Variants in SNAP91 observed in about 807,000 individuals in gnomAD.
SNAP91 encodes the protein clathrin coat assembly protein AP180.
Under a neutral mutation model 100.3 loss-of-function variants are expected in SNAP91, and 27 were observed. The observed-to-expected ratio is 0.27, with a 90% CI of 0.20 to 0.37. SNAP91 has a LOEUF of 0.37. Ranked by LOEUF, SNAP91 falls within the 10% of genes least tolerant of loss-of-function variation. The pLI, the probability that SNAP91 is intolerant of heterozygous loss-of-function variation, is 1.00. For missense variants in SNAP91, 986 were observed against 1,123.7 expected, an observed-to-expected ratio of 0.88 and a Z score of 1.75; for synonymous variants, 404 against 398.6, an observed-to-expected ratio of 1.01 and a Z score of -0.16.
At chr6:83,556,672 C>A (rs1040185291) in intron 28 of SNAP91, among the ~76,000 whole-genome samples, 1 of 151,998 alleles carries the variant, frequency 6.6e-6, no homozygotes, top group Non-Finnish European at 1.5e-5. Context: ...AACAGTAAAA[C>A]AAACAAACAA....
At chr6:83,625,755 C>T (rs1282320817) in intron 8 of SNAP91, among the ~76,000 whole-genome samples, 2 of 151,878 alleles carry the variant, frequency 1.3e-5, no homozygotes, top group South Asian at 2.1e-4. Flanking sequence ...TATTTAAGTT[C>T]CTTATAGATT....
chr6:83,691,151 C>G (rs1267453762), intron 2 of SNAP91, among the ~76,000 whole-genome samples: 1 of 152,010 alleles, frequency 6.6e-6, no homozygotes, highest in Non-Finnish European at 1.5e-5. Context: ...TTTTGACAAG[C>G]TCTATGAATT....
intron 26 of SNAP91, among the ~76,000 whole-genome samples, chr6:83,573,267 G>A (rs1419714660): frequency 1.3e-5 from 2 of 152,150 alleles, no homozygotes; most frequent in African/African-American, 2.4e-5. Context: ...CCTCTTCAAG[G>A]AGAACTACAA....
Position 83,634,825 on chromosome 6 carries a change from A to G in SNAP91, c.765+6271T>C, listed in dbSNP as rs144726394. Among the ~76,000 whole-genome samples the G allele has an allele frequency of 8.4e-3, 1,281 of 152,116 alleles. 16 individuals carry two copies. The highest frequency in any genetic ancestry group is 0.029 in the African/African-American group (1,188 of 41,498). On this transcript the variant is annotated intron_variant, in intron 8 of 29. Transcript: ENST00000369694. ...AAACTGCCTTTGCTGCCTCCCAGATATTTTGGTATGTTGTGTCTGTTTTCA... is the reference window on the plus strand; with the variant it reads ...AAACTGCCTTTGCTGCCTCCCAGATGTTTTGGTATGTTGTGTCTGTTTTCA...
At chr6:83,648,167 A>C (rs1227793829) in intron 7 of SNAP91, among the ~76,000 whole-genome samples, 2 of 152,138 alleles carry the variant, frequency 1.3e-5, no homozygotes, top group Non-Finnish European at 2.9e-5. Flanking sequence ...TGTCACTGTA[A>C]GTTAGTTTGC....
At chr6:83,622,706 C>G (rs987008660) in intron 9 of SNAP91, among the ~76,000 whole-genome samples, 1 of 152,052 alleles carries the variant, frequency 6.6e-6, no homozygotes, top group South Asian at 2.1e-4. Context: ...ACACAGTACC[C>G]TCTTCACAGA....
intron 2 of SNAP91, among the ~76,000 whole-genome samples, chr6:83,671,624 A>G (rs1440049880): frequency 6.6e-6 from 1 of 152,118 alleles, no homozygotes; most frequent in Non-Finnish European, 1.5e-5. Context: ...TTGAAAATTA[A>G]TCTTAGAAAG....
At chr6:83,658,890 G>T in intron 6 of SNAP91, 109 bp downstream of exon 6, 1 of 766,336 alleles carries the variant, frequency 1.3e-6, no homozygotes, top group Non-Finnish European at 2.1e-6. Context: ...TCATCTAAAT[G>T]AAGATCTATA....
intron 24 of SNAP91, among the ~76,000 whole-genome samples, chr6:83,576,262 C>A (rs1251780401): frequency 6.6e-6 from 1 of 152,060 alleles, no homozygotes; most frequent in East Asian, 1.9e-4. Context: ...ACTTAAGGAT[C>A]CATTTTAATG....
intron 28 of SNAP91, among the ~76,000 whole-genome samples, chr6:83,557,883 A>G (rs1781207220): frequency 6.6e-6 from 1 of 151,826 alleles, no homozygotes; most frequent in Non-Finnish European, 1.5e-5. Context: ...TAATAAAAAA[A>G]CTACTTTGTT....
At chr6:83,594,193 T>C (rs1265530638) in intron 17 of SNAP91, among the ~76,000 whole-genome samples, 181 bp downstream of exon 17, 3 of 152,258 alleles carry the variant, frequency 2.0e-5, no homozygotes, top group Non-Finnish European at 1.5e-5. Flanking sequence ...TTGTCAATTT[T>C]GATAAGTATG....
chr6:83,563,127 T>C (rs1219031267), intron 26 of SNAP91, among the ~76,000 whole-genome samples: 1 of 152,124 alleles, frequency 6.6e-6, no homozygotes, highest in Non-Finnish European at 1.5e-5. Flanking sequence ...GAACGAGACA[T>C]CTTAGACATG....
In SNAP91 at chr6:83,656,139, A is replaced by G. The variant is rs574686495; in HGVS notation, c.658+615T>C. Among the ~76,000 whole-genome samples, 3 of 152,318 alleles carry G rather than the reference A, an allele frequency of 2.0e-5. No homozygotes were observed. In the East Asian group the frequency reaches 5.8e-4, roughly 29 times the overall value. Reference sequence around the variant, plus strand: ...GTTGGCCTGGATGATAAGGTACTTGAAAAAAATAAAACTGGAGGATTGGTG... The same window carrying G: ...GTTGGCCTGGATGATAAGGTACTTGGAAAAAATAAAACTGGAGGATTGGTG... On this transcript the variant is annotated intron_variant, in intron 7 of 29. Transcript: ENST00000369694.
chr6:83,584,382 T>G (rs1295533665), intron 22 of SNAP91, among the ~76,000 whole-genome samples: 3 of 152,128 alleles, frequency 2.0e-5, no homozygotes, highest in Admixed American at 2.0e-4. Flanking sequence ...AAAGAGAAGT[T>G]AACACACTGG....
chr6:83,560,981 A>C lies in SNAP91; in HGVS notation c.2443-34T>G, dbSNP rs1426883585. On this transcript the variant is annotated intron_variant, in intron 26 of 29. Coordinates refer to ENST00000369694, the MANE Select transcript of SNAP91 (RefSeq NM_001242792.2). Reference sequence around the variant, plus strand: ...ATAGACAGACATACACATATAAATAACACAAAAACACACAAACACATGCAC... The same window carrying C: ...ATAGACAGACATACACATATAAATACCACAAAAACACACAAACACATGCAC... 3.8e-6 allele frequency: 5 copies of C among 1,301,716 alleles called. No homozygotes were observed. The African/African-American group carries it at 7.5e-5, about 20-fold the overall frequency. 80.6% of individuals were successfully genotyped at this position (1,301,716 alleles called of 1,614,324 possible).
chr6:83,587,977 T>G (rs1268853485), intron 22 of SNAP91, among the ~76,000 whole-genome samples: 3 of 152,160 alleles, frequency 2.0e-5, no homozygotes, highest in African/African-American at 7.2e-5. Context: ...TTAAAATTTC[T>G]TATGCTAGCT....
Position 83,607,733 on chromosome 6 carries a change from A to T in SNAP91, c.988T>A (p.Leu330Ile). The change falls in exon 13 of 30, where the codon TTA (leucine) becomes ATA (isoleucine). Residue 330 changes from leucine to isoleucine, a missense_variant. Coordinates refer to ENST00000369694, the MANE Select transcript of SNAP91 (RefSeq NM_001242792.2). ...KTIDTSPPVD[L>I]FATASAAVPV... is the part of the protein sequence containing the mutation. ...ACAGCCGCAGATGCAGTTGCAAATAAATCAACCGGTGGGGATGTGTCAATA... is the reference window on the plus strand; with the variant it reads ...ACAGCCGCAGATGCAGTTGCAAATATATCAACCGGTGGGGATGTGTCAATA... The T allele has an allele frequency of 1.3e-6, 2 of 1,592,914 alleles. No homozygotes were observed. The highest frequency in any genetic ancestry group is 2.3e-5 in the East Asian group (1 of 44,228).
chr6:83,656,007 C>T (rs1314144019), intron 7 of SNAP91, among the ~76,000 whole-genome samples: 1 of 152,166 alleles, frequency 6.6e-6, no homozygotes, highest in Non-Finnish European at 1.5e-5. Flanking sequence ...GAAATCTTCA[C>T]AGTGAGTCAA....
intron 3 of SNAP91, among the ~76,000 whole-genome samples, chr6:83,664,017 C>T (rs183747935): frequency 6.6e-6 from 1 of 152,098 alleles, no homozygotes; most frequent in Admixed American, 6.6e-5. Flanking sequence ...ATAAATGGAA[C>T]AACAAAGCCC....
Sources: gnomAD v4.1 joint callset for allele counts (sites outside exome capture counted in the v4.1 genomes callset) on GRCh38, gnomAD v4.1.1 for gene constraint, MANE v1.5 for transcripts, NCBI Gene and HGNC (gene_info 2026-07-23, HGNC 2026-07-21) for gene names.